Variants in TG observed in about 807,000 individuals in gnomAD.
TG encodes thyroglobulin.
In TG, 270 loss-of-function variants were observed where a neutral mutation model predicts 324.7. The ratio of observed to expected loss-of-function variants is 0.83; its 90% CI spans 0.75 to 0.92. The LOEUF (loss-of-function observed/expected upper bound fraction) is 0.92. TG is among the 40% of genes least tolerant of loss of function. The probability of loss-of-function intolerance (pLI) is 0.00; values close to 1 mark genes in which losing one functional copy is unlikely to be tolerated. For synonymous variants in TG, 1,401 were observed against 1,327.0 expected, an observed-to-expected ratio of 1.06 and a Z score of -1.21; for missense variants, 3,591 against 3,456.4, an observed-to-expected ratio of 1.04 and a Z score of -0.98.
At chr8:133,010,023 A>T (rs538108547) in intron 35 of TG, among the ~76,000 whole-genome samples, 25 of 152,332 alleles carry the variant, frequency 1.6e-4, no homozygotes, top group Non-Finnish European at 3.1e-4. Context: ...TAAAAATTAT[A>T]AACTTCCCTG....
intron 35 of TG, among the ~76,000 whole-genome samples, chr8:132,993,205 A>C (rs183781472): frequency 9.0e-4 from 137 of 152,372 alleles, no homozygotes; most frequent in Non-Finnish European, 1.7e-3. Flanking sequence ...GACCTAAGTC[A>C]GTATTTAAAG....
chr8:132,925,405 A>G (rs1821702300), intron 22 of TG, among the ~76,000 whole-genome samples: 2 of 152,204 alleles, frequency 1.3e-5, no homozygotes, highest in South Asian at 4.1e-4. Context: ...AAGCTGGTAC[A>G]GCTCATGGGA....
chr8:132,957,784 C>CAA (rs1336885634), intron 27 of TG, among the ~76,000 whole-genome samples: 9 of 145,744 alleles, frequency 6.2e-5, no homozygotes, highest in Non-Finnish European at 1.3e-4. Context: ...CACACACACA[C>CAA]GTATGTATAT....
chr8:132,939,079 A>C (rs1238016154), intron 25 of TG, among the ~76,000 whole-genome samples: 1 of 148,890 alleles, frequency 6.7e-6, no homozygotes, highest in African/African-American at 2.5e-5. Context: ...GCAGCCCACC[A>C]TGCAAAGCTC....
intron 27 of TG, among the ~76,000 whole-genome samples, chr8:132,958,339 A>ATATC (rs1328006666): frequency 1.4e-5 from 2 of 143,952 alleles, no homozygotes; most frequent in South Asian, 2.3e-4. Flanking sequence ...TACATATGGC[A>ATATC]TATCTATCTA....
At chr8:133,017,693 G>A (rs776483361) in intron 37 of TG, 85 bp from the exon 38 acceptor site, 2 of 1,324,326 alleles carry the variant, frequency 1.5e-6, no homozygotes, top group Admixed American at 1.7e-5. Flanking sequence ...TTCTTTTGTT[G>A]AAAGCACATT....
At position 133,066,239 on chromosome 8, in the gene TG, C is replaced by T. The variant is rs376384497; in HGVS notation, c.7240-28805C>T. Among the ~76,000 whole-genome samples the T allele has an allele frequency of 5.8e-4, 85 of 147,198 alleles. No individual in the cohort carries two copies. The East Asian group carries it at 0.014, about 24-fold the overall frequency. ...TACTTGGGAGGCTGAGGCAAGAGAA[C>T]GGCGTGAACCCAGAAGGCAGAGCTT... is the stretch of plus-strand genomic sequence containing the variant. On this transcript the variant is annotated intron_variant, in intron 41 of 47. Transcript: ENST00000220616.
At chr8:133,047,630 G>A (rs1040915202) in intron 41 of TG, 7 of 588,722 alleles carry the variant, frequency 1.2e-5, no homozygotes, top group East Asian at 2.9e-5. Flanking sequence ...GTGCCCAGCC[G>A]GCTCCCCACT....
Position 133,001,806 on chromosome 8 carries a change from T to C in TG, c.6263-10095T>C, listed in dbSNP as rs75604833. On this transcript the variant is annotated intron_variant, in intron 35 of 47. Transcript: ENST00000220616. Reference sequence around the variant, plus strand: ...AAGGTTTGCTGGGGGCCTGAAAGACTTTTCCTGCCTGAAAGGTTTCAGAAT... The same window carrying C: ...AAGGTTTGCTGGGGGCCTGAAAGACCTTTCCTGCCTGAAAGGTTTCAGAAT... 5.3e-3 allele frequency: 5,217 copies of C among 985,434 alleles called. 208 individuals carry two copies. The African/African-American group carries it at 0.082, about 15-fold the overall frequency. 61.0% of individuals were successfully genotyped at this position (985,434 alleles called of 1,614,324 possible).
chr8:133,100,041 A>G (rs1048930843), intron 43 of TG, among the ~76,000 whole-genome samples: 1 of 152,178 alleles, frequency 6.6e-6, no homozygotes, highest in Non-Finnish European at 1.5e-5. Flanking sequence ...CCAGTCTTCT[A>G]TGAACTGCCA....
chr8:132,891,977 C>T (rs767141883), intron 10 of TG, among the ~76,000 whole-genome samples: 3 of 152,182 alleles, frequency 2.0e-5, no homozygotes, highest in Non-Finnish European at 4.4e-5. Flanking sequence ...CTGTGCCAAG[C>T]ACTTCAACTG....
intron 41 of TG, among the ~76,000 whole-genome samples, chr8:133,079,015 G>A (rs1164990137): frequency 1.3e-5 from 2 of 152,188 alleles, no homozygotes; most frequent in Non-Finnish European, 2.9e-5. Context: ...GAACTTCATG[G>A]CACTGAGGCA....
Position 133,047,634 on chromosome 8 carries a change from C to T in TG, c.7239+17611C>T, listed in dbSNP as rs776476166. On this transcript the variant is annotated intron_variant, in intron 41 of 47. Coordinates refer to ENST00000220616, the MANE Select transcript of TG (RefSeq NM_003235.5). ...GGCCCGTGGCAGTGCCCAGCCGGCT[C>T]CCCACTGCCTGTCTCTAGTCCCCTT... 8.3e-6 allele frequency: 5 copies of T among 599,152 alleles called. No homozygotes were observed. In the Admixed American group the frequency reaches 1.3e-4, roughly 16 times the overall value. The allele number at this position is 599,152 out of a possible 1,614,324, so 37.1% of individuals were successfully genotyped here. A position where few individuals can be genotyped will look rare whatever the true frequency, so the allele number is the denominator to read the frequency against.
chr8:133,001,143 G>C (rs1400509471), intron 35 of TG, among the ~76,000 whole-genome samples: 1 of 152,112 alleles, frequency 6.6e-6, no homozygotes, highest in African/African-American at 2.4e-5. Context: ...TCATTTTAAC[G>C]TGATTATGTC....
chr8:132,961,202 A>T, intron 28 of TG, 129 bp downstream of exon 28: 1 of 942,334 alleles, frequency 1.1e-6, no homozygotes, highest in African/African-American at 1.6e-5. Context: ...CCAAATGCAT[A>T]CTTTCTGTGG....
intron 34 of TG, among the ~76,000 whole-genome samples, chr8:132,977,786 A>G (rs1332685297): frequency 6.6e-6 from 1 of 152,156 alleles, no homozygotes. Flanking sequence ...TGGGAGCTAC[A>G]AGATGAGATT....
intron 35 of TG, among the ~76,000 whole-genome samples, chr8:132,997,992 AAGT>A (rs749489143): frequency 1.3e-5 from 2 of 152,146 alleles, no homozygotes; most frequent in African/African-American, 2.4e-5. Flanking sequence ...CCTATGCAAA[AAGT>A]GAAGTGTCGG....
intron 41 of TG, chr8:133,036,671 C>T (rs1837174784): frequency 6.6e-6 from 1 of 152,568 alleles, no homozygotes; most frequent in African/African-American, 2.4e-5. Flanking sequence ...AAATTTGAAA[C>T]CCACTGAGCT....
chr8:133,115,094 T>C (rs888278504), intron 44 of TG, among the ~76,000 whole-genome samples: 25 of 152,198 alleles, frequency 1.6e-4, no homozygotes, highest in African/African-American at 6.0e-4. Context: ...CTAGATCACA[T>C]TGCAGAGAGA....
Sources: gnomAD v4.1 joint callset for allele counts (sites outside exome capture counted in the v4.1 genomes callset) on GRCh38, gnomAD v4.1.1 for gene constraint, MANE v1.5 for transcripts, NCBI Gene and HGNC (gene_info 2026-07-23, HGNC 2026-07-21) for gene names.